The following SPIN1 variants were observed in gnomAD, a reference collection of about 807,000 sequenced individuals.
SPIN1 encodes the protein spindlin 1, also known as spindlin-1.
SPIN1 carries 3 observed loss-of-function variants against 26.0 expected under a neutral mutation model. The ratio of observed to expected loss-of-function variants is 0.12; its 90% CI spans 0.05 to 0.30. The LOEUF (loss-of-function observed/expected upper bound fraction) is 0.30. Ranked by LOEUF, SPIN1 falls within the 10% of genes least tolerant of loss-of-function variation. SPIN1 has a pLI of 1.00. For synonymous variants in SPIN1, 101 were observed against 116.5 expected, an observed-to-expected ratio of 0.87 and a Z score of 0.86; for missense variants, 126 against 333.4, an observed-to-expected ratio of 0.38 and a Z score of 4.84.
chr9:88,460,524 A>C (rs1400245815), intron 3 of SPIN1, among the ~76,000 whole-genome samples: 3 of 152,172 alleles, frequency 2.0e-5, no homozygotes, highest in Non-Finnish European at 4.4e-5. Context: ...GGTTTATGCT[A>C]TTTTGAAGAC....
intron 3 of SPIN1, among the ~76,000 whole-genome samples, chr9:88,454,718 C>T (rs2118158494): frequency 6.6e-6 from 1 of 152,244 alleles, no homozygotes; most frequent in East Asian, 1.9e-4. Context: ...TAAGTAGGTA[C>T]TAGTTGGAAG....
intron 3 of SPIN1, among the ~76,000 whole-genome samples, chr9:88,452,996 G>A (rs1240518142): frequency 6.6e-6 from 1 of 152,156 alleles, no homozygotes. Flanking sequence ...AATTTAACAT[G>A]TATGATGTCT....
intron 1 of SPIN1, among the ~76,000 whole-genome samples, chr9:88,406,005 C>CTG (rs745317937): frequency 0.15 from 15,133 of 103,190 alleles, 900 homozygotes; most frequent in Non-Finnish European, 0.18. Flanking sequence ...GCTTGTGTGT[C>CTG]TGTGTGTGTG....
chr9:88,453,398 C>T (rs970426346), intron 3 of SPIN1, among the ~76,000 whole-genome samples: 1 of 152,148 alleles, frequency 6.6e-6, no homozygotes, highest in African/African-American at 2.4e-5. Flanking sequence ...TATAGGAATT[C>T]TTTTGTTCCT....
At chr9:88,445,444 C>CAA (rs1181930667) in intron 2 of SPIN1, among the ~76,000 whole-genome samples, 1 of 151,702 alleles carries the variant, frequency 6.6e-6, no homozygotes, top group Non-Finnish European at 1.5e-5. Context: ...TCAGGCCTAT[C>CAA]TCCCAGTTTT....
At chr9:88,435,722 C>T (rs1044533195) in intron 2 of SPIN1, among the ~76,000 whole-genome samples, 5 of 152,032 alleles carry the variant, frequency 3.3e-5, no homozygotes, top group African/African-American at 1.2e-4. Context: ...TGATAGGGGT[C>T]ATTTACCTTC....
intron 1 of SPIN1, among the ~76,000 whole-genome samples, chr9:88,408,275 C>T (rs1827352795): frequency 6.7e-6 from 1 of 148,728 alleles, no homozygotes; most frequent in Admixed American, 6.7e-5. Flanking sequence ...CTCCCCCCAC[C>T]TTCTGAGAGC....
intron 1 of SPIN1, among the ~76,000 whole-genome samples, chr9:88,394,812 T>A (rs1827017339): frequency 6.8e-6 from 1 of 147,800 alleles, no homozygotes; most frequent in East Asian, 2.0e-4. Flanking sequence ...TAATGTATTT[T>A]TTTTTTTTTT....
rs148808911 is a variant in SPIN1 at position 88,408,981 on chromosome 9, T to TTGTGTGTGTGTG, written c.-158-17383_-158-17372dup. The stretch of plus-strand genomic sequence containing the variant: ...CCGGCCCTTTTGTGTTTGTGTGTGT[T>TTGTGTGTGTGTG]TGTGTGTGTGTGTGTGTGTGTGTGT... On this transcript the variant is annotated intron_variant, in intron 1 of 5. Coordinates refer to ENST00000375859, the MANE Select transcript of SPIN1 (RefSeq NM_006717.3). Among the ~76,000 whole-genome samples, 1,021 of 136,682 alleles carry TTGTGTGTGTGTG rather than the reference T, an allele frequency of 7.5e-3. 14 individuals carry two copies. Among genetic ancestry groups the TTGTGTGTGTGTG allele is most frequent in the African/African-American group, 0.021 (755 of 36,342 alleles). The allele number at this position is 136,682 out of a possible 152,430, so 89.7% of individuals were successfully genotyped here. A position where few individuals can be genotyped will look rare whatever the true frequency, so the allele number is the denominator to read the frequency against.
chr9:88,453,119 C>G (rs574153831), intron 3 of SPIN1, among the ~76,000 whole-genome samples: 1 of 152,014 alleles, frequency 6.6e-6, no homozygotes, highest in African/African-American at 2.4e-5. Context: ...CCTTTCCTTT[C>G]CCTTTCCCTT....
chr9:88,468,658 T>G lies in SPIN1; in HGVS notation c.589+53T>G, dbSNP rs1208316881. The G allele has an allele frequency of 4.4e-6, 5 of 1,142,944 alleles. No individual in the cohort carries two copies. In the African/African-American group the frequency reaches 8.0e-5, roughly 18 times the overall value. 70.8% of individuals were successfully genotyped at this position (1,142,944 alleles called of 1,614,324 possible). A position where few individuals can be genotyped will look rare whatever the true frequency, so the allele number is the denominator to read the frequency against. ...GTGATAATTAGAAGGGATTTGGACT[T>G]CAGTACAAGATATTTGATTGGCTCT... On this transcript the variant is annotated intron_variant, in intron 5 of 5. Coordinates refer to ENST00000375859, the MANE Select transcript of SPIN1 (RefSeq NM_006717.3).
chr9:88,434,794 T>C (rs544948312), intron 2 of SPIN1, among the ~76,000 whole-genome samples: 2 of 152,232 alleles, frequency 1.3e-5, no homozygotes, highest in African/African-American at 4.8e-5. Flanking sequence ...CGGTTGCTCA[T>C]GCCTGTAATC....
In SPIN1 at chr9:88,468,560, T is replaced by C; in HGVS notation, c.544T>C (p.Leu182=). ...CCCTGTCTTGTACATGTACCAACTC[T>C]TAGATGATTACAAAGAAGGCGACCT... ...KDPVLYMYQL[L]DDYKEGDLRI... The change falls in exon 5 of 6, where the codon TTA becomes CTA. Residue 182 remains leucine (L), a synonymous_variant. Coordinates refer to ENST00000375859, the MANE Select transcript of SPIN1 (RefSeq NM_006717.3). The C allele has an allele frequency of 6.3e-7, 1 of 1,593,184 alleles. No homozygotes were observed. The highest frequency in any genetic ancestry group is 1.3e-5 in the African/African-American group (1 of 74,196).
intron 3 of SPIN1, among the ~76,000 whole-genome samples, chr9:88,461,646 A>G (rs924231864): frequency 3.9e-5 from 6 of 152,174 alleles, no homozygotes; most frequent in Non-Finnish European, 7.3e-5. Context: ...TGGGAAGGGA[A>G]TTCCTTTCAG....
chr9:88,455,788 G>T (rs1227473309), intron 3 of SPIN1, among the ~76,000 whole-genome samples: 1 of 152,070 alleles, frequency 6.6e-6, no homozygotes, highest in East Asian at 1.9e-4. Context: ...GACCAGGCTG[G>T]GCAACATAGT....
chr9:88,452,836 TTTC>T (rs1828390191), intron 3 of SPIN1, among the ~76,000 whole-genome samples: 1 of 152,202 alleles, frequency 6.6e-6, no homozygotes, highest in Admixed American at 6.5e-5. Flanking sequence ...TAACCAGTCT[TTTC>T]TTCTAAAATC....
chr9:88,460,597 T>C (rs1358679301), intron 3 of SPIN1, among the ~76,000 whole-genome samples: 1 of 152,202 alleles, frequency 6.6e-6, no homozygotes, highest in Non-Finnish European at 1.5e-5. Flanking sequence ...GTGGAATTCA[T>C]TCTGCAGGTC....
In SPIN1 at chr9:88,394,735, T is replaced by G. The variant is rs1587768747; in HGVS notation, c.-159+6197T>G. 2.0e-5 allele frequency among the ~76,000 whole-genome samples: 3 copies of G among 152,138 alleles called. No individual in the cohort carries two copies. In the South Asian group the frequency reaches 6.2e-4, roughly 32 times the overall value. ...AAAGATTTTCTCTGATTATGTTATA[T>G]GTTTGATAATTAATTTGGGTTGTTT... On this transcript the variant is annotated intron_variant, in intron 1 of 5. Coordinates refer to ENST00000375859, the MANE Select transcript of SPIN1 (RefSeq NM_006717.3).
chr9:88,430,819 GTTAGCCTCCATTT>G (rs1827852896), intron 2 of SPIN1, among the ~76,000 whole-genome samples: 1 of 150,116 alleles, frequency 6.7e-6, no homozygotes, highest in African/African-American at 2.5e-5. Flanking sequence ...TTCCCCTGGT[GTTAGCCTCCATTT>G]TTAGTATTTT....
Sources: gnomAD v4.1 joint callset for allele counts (sites outside exome capture counted in the v4.1 genomes callset) on GRCh38, gnomAD v4.1.1 for gene constraint, MANE v1.5 for transcripts, NCBI Gene and HGNC (gene_info 2026-07-23, HGNC 2026-07-21) for gene names.